Variants in RSPH9 observed in about 807,000 individuals in gnomAD.
RSPH9 encodes the protein radial spoke head component 9.
In RSPH9, 27 loss-of-function variants were observed where a neutral mutation model predicts 27.0. The observed-to-expected ratio is 1.00, with a 90% confidence interval of 0.74 to 1.38. The LOEUF (loss-of-function observed/expected upper bound fraction) is 1.38. Among genes scored for constraint, RSPH9 ranks in the 40% most tolerant of loss-of-function variants. RSPH9 has a pLI of 0.00. For missense variants in RSPH9, 347 were observed against 357.4 expected (o/e 0.97, Z 0.24); for synonymous variants, 145 against 147.7 (o/e 0.98, Z 0.13).
intron 4 of RSPH9, among the ~76,000 whole-genome samples, chr6:43,666,232 CT>C (rs112610068): frequency 0.013 from 1,910 of 152,314 alleles, 37 homozygotes; most frequent in African/African-American, 0.042. Context: ...CCCCGGTCCC[CT>C]TTCCTTATCA....
chr6:43,656,464 C>T lies in RSPH9; in HGVS notation c.524-113C>T, dbSNP rs1009085875. The stretch of plus-strand genomic sequence containing the variant: ...CCCTTTCCTTCCTTTAGCTCTCTGA[C>T]AGTGGTTGACAGGGTCTTTTGTAAG... On this transcript the variant is annotated intron_variant, in intron 3 of 4. Transcript: ENST00000372163. The T allele has an allele frequency of 7.9e-5, 94 of 1,188,840 alleles. No homozygotes were observed. In the African/African-American group the frequency reaches 8.8e-4, roughly 11 times the overall value. The allele number at this position is 1,188,840 out of a possible 1,614,324, so 73.6% of individuals were successfully genotyped here.
chr6:43,659,383 C>T (rs553750994), intron 4 of RSPH9, among the ~76,000 whole-genome samples: 4 of 151,116 alleles, frequency 2.6e-5, no homozygotes, highest in South Asian at 2.1e-4. Context: ...CCACCATGCC[C>T]GGCTTTTTTT....
rs1467349277 is a variant in RSPH9, at chr6:43,672,306, T to C, written c.*1357T>C. ...GGAGGAACCCATTGCTCTTCCCCAT[T>C]TGGCTCACTCAGCTACCCCAACCTT... On this transcript the variant is annotated 3_prime_UTR_variant, in exon 5 of 5. Coordinates refer to ENST00000372163, the MANE Select transcript of RSPH9 (RefSeq NM_152732.5). 2.2e-6 allele frequency: 1 copy of C among 458,364 alleles called. No homozygotes were observed. The highest frequency in any genetic ancestry group is 4.6e-6 in the Non-Finnish European group (1 of 217,112). The allele number at this position is 458,364 out of a possible 1,614,324, so 28.4% of individuals were successfully genotyped here.
chr6:43,653,961 G>A (rs1771757245), intron 2 of RSPH9, among the ~76,000 whole-genome samples: 4 of 152,170 alleles, frequency 2.6e-5, no homozygotes, highest in Admixed American at 2.6e-4. Flanking sequence ...CAAAGTGCTA[G>A]GATTACAGGC....
rs149588576 is a variant in RSPH9 at position 43,671,983 on chromosome 6, C to T, written c.*1034C>T. The stretch of plus-strand genomic sequence containing the variant: ...ACGTGGGAGAGTGGAGCACTACCTC[C>T]TCAGGCCAGGCCACGGTTGGGCAAG... On this transcript the variant is annotated 3_prime_UTR_variant, in exon 5 of 5. Coordinates refer to ENST00000372163, the MANE Select transcript of RSPH9 (RefSeq NM_152732.5). 6.9e-7 allele frequency: 1 copy of T among 1,455,352 alleles called. No homozygotes were observed. The highest frequency in any genetic ancestry group is 1.4e-5 in the African/African-American group (1 of 70,444). 90.2% of individuals were successfully genotyped at this position (1,455,352 alleles called of 1,614,324 possible).
chr6:43,645,221 T>A lies in RSPH9; in HGVS notation c.123T>A (p.Tyr41Ter). ...SLMLVKRDYR[Y>*]DRVLFWGRIL... Reference sequence around the variant, plus strand: ...TGCTGGTTAAGCGCGACTACCGCTATGATCGGGTTCTCTTCTGGGGCCGCA... The same window carrying A: ...TGCTGGTTAAGCGCGACTACCGCTAAGATCGGGTTCTCTTCTGGGGCCGCA... Residue 41 changes from tyrosine to a stop codon, truncating the protein, a stop_gained, in exon 1 of 5, where the codon TAT becomes TAA. Transcript: ENST00000372163. LOFTEE classifies it high-confidence loss of function. 2 of 1,614,100 alleles carry A rather than the reference T, an allele frequency of 1.2e-6. No individual in the cohort carries two copies. The highest frequency in any genetic ancestry group is 8.5e-7 in the Non-Finnish European group (1 of 1,180,024).
chr6:43,650,628 T>A, intron 2 of RSPH9, 88 bp downstream of exon 2: 1 of 1,419,438 alleles, frequency 7.0e-7, no homozygotes, highest in East Asian at 2.3e-5. Flanking sequence ...GGCAACAGGC[T>A]GGGCACGGTG....
chr6:43,671,179 GAGA>G lies in RSPH9; in HGVS notation c.*233_*235del, dbSNP rs753768532. 1.2e-5 allele frequency: 7 copies of G among 605,744 alleles called. No homozygotes were observed. The highest frequency in any genetic ancestry group is 2.8e-5 in the East Asian group (1 of 36,006). 37.5% of individuals were successfully genotyped at this position (605,744 alleles called of 1,614,324 possible). ...CAACGATGGGTGGAAATGGCTGTGG[GAGA>G]AGGTGACAACCAGGGCCCCTTTGAG... is the stretch of plus-strand genomic sequence containing the variant. On this transcript the variant is annotated 3_prime_UTR_variant, in exon 5 of 5. Coordinates refer to ENST00000372163, the MANE Select transcript of RSPH9 (RefSeq NM_152732.5).
chr6:43,656,484 T>C (rs1772061513), intron 3 of RSPH9, 93 bp from the exon 4 acceptor site: 1 of 1,431,170 alleles, frequency 7.0e-7, no homozygotes, highest in Non-Finnish European at 9.9e-7. Flanking sequence ...CAGGGTCTTT[T>C]GTAAGCCCTA....
chr6:43,666,993 C>G (rs1773205889), intron 4 of RSPH9, among the ~76,000 whole-genome samples: 1 of 152,206 alleles, frequency 6.6e-6, no homozygotes, highest in Admixed American at 6.5e-5. Flanking sequence ...ATCTGCCCAC[C>G]TCAGCCTCCC....
rs762292335 is a variant in RSPH9 at position 43,655,692 on chromosome 6, G to A, written c.523+1G>A. ...ACCCATGTCAATCGGACCTTTGAAG[G>A]TGAGTTCTCTGGGGCCCCTCTCAAG... On this transcript the variant is annotated splice_donor_variant, in intron 3 of 4. Coordinates refer to ENST00000372163, the MANE Select transcript of RSPH9 (RefSeq NM_152732.5). LOFTEE classifies it high-confidence loss of function. The A allele has an allele frequency of 1.9e-6, 3 of 1,614,116 alleles. No homozygotes were observed. Among genetic ancestry groups the A allele is most frequent in the Non-Finnish European group, 1.7e-6 (2 of 1,180,048 alleles).
At chr6:43,655,523 C>T (rs1376595167) in intron 2 of RSPH9, 39 bp from the exon 3 acceptor site, 4 of 1,613,748 alleles carry the variant, frequency 2.5e-6, no homozygotes. Flanking sequence ...TGCCTGGGCA[C>T]AGTGCCCTGG....
In RSPH9 at chr6:43,672,064, C is replaced by T. The variant is rs758790313; in HGVS notation, c.*1115C>T. 1.4e-5 allele frequency: 12 copies of T among 868,350 alleles called. No homozygotes were observed. The highest frequency in any genetic ancestry group is 1.7e-5 in the Non-Finnish European group (10 of 580,524). 53.8% of individuals were successfully genotyped at this position (868,350 alleles called of 1,614,324 possible). On this transcript the variant is annotated 3_prime_UTR_variant, in exon 5 of 5. Coordinates refer to ENST00000372163, the MANE Select transcript of RSPH9 (RefSeq NM_152732.5). ...AGTGCAGGGATTTTCCTGGGAGTAA[C>T]TGCTGAGCGTCCTGTAAACAGATGG...
chr6:43,666,305 C>G, intron 4 of RSPH9: 2 of 740,692 alleles, frequency 2.7e-6, no homozygotes, highest in Non-Finnish European at 2.4e-6. Flanking sequence ...AGCAGCTGGG[C>G]TGGGCTGCTA....
intron 1 of RSPH9, among the ~76,000 whole-genome samples, chr6:43,645,650 CTTACATGCGGATGGGT>C (rs908339673): frequency 1.6e-3 from 243 of 152,368 alleles, no homozygotes; most frequent in African/African-American, 5.5e-3. Context: ...CCAAGAGAAA[CTTACATGCGGATGGGT>C]TTATAAGAGA....
intron 1 of RSPH9, among the ~76,000 whole-genome samples, chr6:43,648,744 G>A (rs1771142122): frequency 6.6e-6 from 1 of 152,206 alleles, no homozygotes; most frequent in Non-Finnish European, 1.5e-5. Flanking sequence ...ATGGTGGCTT[G>A]GGCCAAGGTG....
chr6:43,666,184 T>C (rs1004421484), intron 4 of RSPH9, among the ~76,000 whole-genome samples: 1 of 152,076 alleles, frequency 6.6e-6, no homozygotes, highest in African/African-American at 2.4e-5. Flanking sequence ...AGTGGAAGTG[T>C]GGATGGTCAC....
At chr6:43,656,864 C>A in intron 4 of RSPH9, 141 bp downstream of exon 4, 1 of 883,250 alleles carries the variant, frequency 1.1e-6, no homozygotes. Context: ...GAGGGTGGAG[C>A]TTCCCCAGGG....
rs760079821 is a variant in RSPH9 at position 43,671,868 on chromosome 6, A to C, written c.*919A>C. 3.1e-6 allele frequency: 5 copies of C among 1,613,826 alleles called. No individual in the cohort carries two copies. The South Asian group carries it at 5.5e-5, about 18-fold the overall frequency. On this transcript the variant is annotated 3_prime_UTR_variant, in exon 5 of 5. Transcript: ENST00000372163. Reference sequence around the variant, plus strand: ...GTTCCAGCGGGGGCCTTTTTTGTAGATGGGCTTGACGGAGCCAGGAGCCCA... The same window carrying C: ...GTTCCAGCGGGGGCCTTTTTTGTAGCTGGGCTTGACGGAGCCAGGAGCCCA...
Sources: gnomAD v4.1 joint callset for allele counts (sites outside exome capture counted in the v4.1 genomes callset) on GRCh38, gnomAD v4.1.1 for gene constraint, MANE v1.5 for transcripts, NCBI Gene and HGNC (gene_info 2026-07-23, HGNC 2026-07-21) for gene names.